Variants in HPX observed in about 807,000 individuals in gnomAD.
HPX encodes beta-1B-glycoprotein.
HPX carries 42 observed loss-of-function variants against 53.8 expected under a neutral mutation model. The ratio of observed to expected loss-of-function variants is 0.78; its 90% CI spans 0.61 to 1.01. HPX has a LOEUF of 1.01. Among genes scored for constraint, HPX ranks in the 50% least tolerant of loss-of-function variants. The pLI, the probability that HPX is intolerant of heterozygous loss-of-function variation, is 0.00. For missense variants in HPX, 547 were observed against 594.3 expected, an observed-to-expected ratio of 0.92 and a Z score of 0.83; for synonymous variants, 229 against 221.1, an observed-to-expected ratio of 1.04 and a Z score of -0.32.
chr11:6,436,152 G>A (rs1305447489), intron 7 of HPX, among the ~76,000 whole-genome samples: 1 of 152,186 alleles, frequency 6.6e-6, no homozygotes, highest in Admixed American at 6.5e-5. Flanking sequence ...TCCTGCTGTG[G>A]AGATTTGCTC....
intron 7 of HPX, among the ~76,000 whole-genome samples, chr11:6,436,003 C>T (rs774831129): frequency 6.6e-6 from 1 of 152,160 alleles, no homozygotes. Flanking sequence ...GTGTGTCCTC[C>T]CAATGGGCTC....
intron 5 of HPX, 124 bp from the exon 6 acceptor site, chr11:6,437,776 G>A: frequency 1.4e-6 from 1 of 717,096 alleles, no homozygotes; most frequent in South Asian, 1.6e-5. Context: ...CCATCAGAGA[G>A]ATGGCTAAAG....
intron 5 of HPX, 150 bp from the exon 6 acceptor site, chr11:6,437,802 C>T (rs1364763611): frequency 7.7e-6 from 5 of 647,560 alleles, no homozygotes; most frequent in South Asian, 1.8e-5. Flanking sequence ...TGATCATACA[C>T]CAAAATTCAG....
At chr11:6,437,372 C>A in intron 6 of HPX, 68 bp downstream of exon 6, 3 of 1,452,756 alleles carry the variant, frequency 2.1e-6, no homozygotes, top group Non-Finnish European at 2.9e-6. Flanking sequence ...AGCTAGGACA[C>A]GTGAGATCCA....
intron 7 of HPX, among the ~76,000 whole-genome samples, chr11:6,434,435 T>A (rs1693047594): frequency 6.6e-6 from 1 of 152,148 alleles, no homozygotes; most frequent in South Asian, 2.1e-4. Flanking sequence ...ACTCGAGCAA[T>A]CCTCCCACCT....
At chr11:6,438,041 C>A in intron 5 of HPX, 1 of 488,868 alleles carries the variant, frequency 2.0e-6, no homozygotes, top group Non-Finnish European at 3.6e-6. Context: ...TAATAAAAGT[C>A]AAAGCTGAAG....
At chr11:6,431,829 TAC>T in intron 8 of HPX, 26 bp from the exon 9 acceptor site, 1 of 1,613,960 alleles carries the variant, frequency 6.2e-7, no homozygotes, top group Non-Finnish European at 8.5e-7. Flanking sequence ...TGGTAATAAA[TAC>T]AGAGTTGGAT....
In HPX at chr11:6,437,476, C is replaced by A; in HGVS notation, c.667G>T (p.Asp223Tyr). The A allele has an allele frequency of 1.2e-6, 2 of 1,614,094 alleles. No individual in the cohort carries two copies. Among genetic ancestry groups the A allele is most frequent in the Non-Finnish European group, 1.7e-6 (2 of 1,180,022 alleles). The change falls in exon 6 of 10, where the codon GAT (aspartate) becomes TAT (tyrosine). Residue 223 changes from aspartate to tyrosine, a missense_variant. Asp to Tyr is a radical substitution (Grantham distance 160). Transcript: ENST00000265983. ...CAGGGCATGAAGTAGTCTCGGACAT[C>A]CCGCGGGTACCTGGGAGGCACCTCT... ...RGEVPPRYPR[D>Y]VRDYFMPCPG... is the part of the protein sequence containing the mutation.
At position 6,440,543 on chromosome 11, in the gene HPX, G is replaced by C; in HGVS notation, c.143-5C>G. The C allele has an allele frequency of 6.8e-7, 1 of 1,463,198 alleles. No homozygotes were observed. The highest frequency in any genetic ancestry group is 1.2e-5 in the South Asian group (1 of 85,780). The allele number at this position is 1,463,198 out of a possible 1,614,324, so 90.6% of individuals were successfully genotyped here. ...TCCAGCCATCTGAGCAGCGTTCTGGGGTGGAGGTAGGGAGATGGCAAAGTA... is the reference window on the plus strand; with the variant it reads ...TCCAGCCATCTGAGCAGCGTTCTGGCGTGGAGGTAGGGAGATGGCAAAGTA... On this transcript the variant is annotated splice_region_variant and splice_polypyrimidine_tract_variant and intron_variant, in intron 2 of 9. Coordinates refer to ENST00000265983, the MANE Select transcript of HPX (RefSeq NM_000613.3).
chr11:6,432,224 G>C (rs1329823443), intron 7 of HPX: 2 of 603,650 alleles, frequency 3.3e-6, no homozygotes, highest in Non-Finnish European at 5.8e-6. Context: ...ATCAGCAGGT[G>C]CCTGAAAGAA....
In HPX at chr11:6,438,478, T is replaced by C; in HGVS notation, c.368A>G (p.Lys123Arg). 34 of 1,614,160 alleles carry C rather than the reference T, an allele frequency of 2.1e-5. No homozygotes were observed. The highest frequency in any genetic ancestry group is 2.9e-5 in the Non-Finnish European group (34 of 1,179,970). ...CAACTTTGGGTATCCTTTCTCCTTCTTTTCAGGAGGGTATACCCAGACTTT... is the reference window on the plus strand; with the variant it reads ...CAACTTTGGGTATCCTTTCTCCTTCCTTTCAGGAGGGTATACCCAGACTTT... ...GDKVWVYPPEKKEKGYPKLLQ... is the reference protein window; with the variant it reads ...GDKVWVYPPERKEKGYPKLLQ... The change falls in exon 5 of 10, where the codon AAG becomes AGG. Residue 123 changes from lysine to arginine, a missense_variant. Coordinates refer to ENST00000265983, the MANE Select transcript of HPX (RefSeq NM_000613.3).
intron 7 of HPX, among the ~76,000 whole-genome samples, chr11:6,436,325 T>C (rs1319251988): frequency 6.6e-6 from 1 of 152,228 alleles, no homozygotes; most frequent in African/African-American, 2.4e-5. Context: ...GGATGTGATG[T>C]GGTTGCTCAC....
chr11:6,433,427 T>A (rs1228214410), intron 7 of HPX, among the ~76,000 whole-genome samples: 1 of 152,256 alleles, frequency 6.6e-6, no homozygotes. Context: ...TCCACTCGCC[T>A]TGGCCTCCCA....
chr11:6,439,149 A>G (rs1849453804), intron 4 of HPX, among the ~76,000 whole-genome samples: 1 of 152,214 alleles, frequency 6.6e-6, no homozygotes, highest in Non-Finnish European at 1.5e-5. Flanking sequence ...CAGGTTGACA[A>G]GTGAGGAAAG....
At chr11:6,440,856 C>T (rs767765041) in intron 1 of HPX, 25 bp downstream of exon 1, 21 of 1,610,278 alleles carry the variant, frequency 1.3e-5, no homozygotes, top group East Asian at 4.5e-5. Flanking sequence ...CTCAATCCTT[C>T]GCTTCTAGTC....
At chr11:6,437,322 G>C (rs1481416712) in intron 6 of HPX, 118 bp downstream of exon 6, 2 of 1,366,776 alleles carry the variant, frequency 1.5e-6, no homozygotes, top group African/African-American at 2.9e-5. Context: ...AATGGGGCTA[G>C]ATTAAGGGCC....
intron 7 of HPX, among the ~76,000 whole-genome samples, chr11:6,433,668 G>C (rs998809429): frequency 1.3e-5 from 2 of 152,204 alleles, no homozygotes; most frequent in African/African-American, 4.8e-5. Flanking sequence ...AAAAGTCAGA[G>C]TGATCTTTTA....
At chr11:6,440,582 A>G in intron 2 of HPX, 44 bp from the exon 3 acceptor site, 1 of 1,141,396 alleles carries the variant, frequency 8.8e-7, no homozygotes, top group African/African-American at 1.6e-5. Flanking sequence ...AAAAAAAAAA[A>G]AAAAAAAAAA....
chr11:6,434,090 G>A (rs548921583), intron 7 of HPX, among the ~76,000 whole-genome samples: 1 of 152,076 alleles, frequency 6.6e-6, no homozygotes, highest in Admixed American at 6.5e-5. Flanking sequence ...CTTTAGCAGA[G>A]CCTGTCAGGG....
Sources: gnomAD v4.1 joint callset for allele counts (sites outside exome capture counted in the v4.1 genomes callset) on GRCh38, gnomAD v4.1.1 for gene constraint, MANE v1.5 for transcripts, NCBI Gene and HGNC (gene_info 2026-07-23, HGNC 2026-07-21) for gene names.